The following B3GALT1 variants were observed in gnomAD, a reference collection of about 807,000 sequenced individuals.
B3GALT1 encodes the protein beta-1,3-galactosyltransferase 1, also known as UDP-Gal:betaGlcNAc beta 1,3-galactosyltransferase, polypeptide 1.
B3GALT1 carries 10 observed loss-of-function variants against 23.2 expected under a neutral mutation model. The observed-to-expected ratio is 0.43, with a 90% confidence interval of 0.27 to 0.73. B3GALT1 has a LOEUF of 0.73. B3GALT1 is among the 30% of genes least tolerant of loss of function. B3GALT1 has a pLI of 0.21. For missense variants in B3GALT1, 299 were observed against 405.4 expected (o/e 0.74, Z 2.25); for synonymous variants, 156 against 141.5 (o/e 1.10, Z -0.73).
intron 3 of B3GALT1, among the ~76,000 whole-genome samples, chr2:167,660,868 A>G (rs1686048834): frequency 6.6e-6 from 1 of 152,162 alleles, no homozygotes; most frequent in Non-Finnish European, 1.5e-5. Context: ...AAGTGAAAAT[A>G]TGTGCAGCTG....
chr2:167,874,031 CAGA>C lies in B3GALT1; in HGVS notation c.*4014_*4016del, dbSNP rs986316625. On this transcript the variant is annotated 3_prime_UTR_variant, in exon 5 of 5. Coordinates refer to ENST00000392690, the MANE Select transcript of B3GALT1 (RefSeq NM_020981.4). Reference sequence around the variant, plus strand: ...TTTTTAAACCATTGGGACAAATAAACAGAAGGAGAACAAATGTGTCACTTCTCT... The same window carrying C: ...TTTTTAAACCATTGGGACAAATAAACAGGAGAACAAATGTGTCACTTCTCT... 1 of 152,158 alleles carries C rather than the reference CAGA, an allele frequency of 6.6e-6. No individual in the cohort carries two copies. Among genetic ancestry groups the C allele is most frequent in the Admixed American group, 6.5e-5 (1 of 15,278 alleles). 9.4% of individuals were successfully genotyped at this position (152,158 alleles called of 1,614,324 possible).
intron 3 of B3GALT1, among the ~76,000 whole-genome samples, chr2:167,668,435 C>G (rs191025609): frequency 1.3e-5 from 2 of 152,200 alleles, no homozygotes; most frequent in African/African-American, 2.4e-5. Context: ...GAGGTGGAGC[C>G]TACAGAGGCA....
intron 1 of B3GALT1, among the ~76,000 whole-genome samples, chr2:167,447,441 C>G (rs1699017816): frequency 6.6e-6 from 1 of 152,232 alleles, no homozygotes; most frequent in African/African-American, 2.4e-5. Context: ...TTTTGTTCAG[C>G]TATGCCCTGT....
intron 3 of B3GALT1, among the ~76,000 whole-genome samples, chr2:167,725,320 T>A (rs866440782): frequency 6.6e-5 from 10 of 152,304 alleles, no homozygotes; most frequent in African/African-American, 2.4e-4. Flanking sequence ...CATGGTACTT[T>A]GCAACCAAGC....
rs1477075539 is a variant in B3GALT1 at position 167,754,974 on chromosome 2, C to T, written c.-351-63698C>T. 2.0e-5 allele frequency among the ~76,000 whole-genome samples: 3 copies of T among 152,170 alleles called. No homozygotes were observed. The South Asian group carries it at 6.2e-4, about 31-fold the overall frequency. On this transcript the variant is annotated intron_variant, in intron 3 of 4. Coordinates refer to ENST00000392690, the MANE Select transcript of B3GALT1 (RefSeq NM_020981.4). ...TGCAGAGCCGAGCCATGCATTCAAGCCTTCTCTTTTGATACGTGTTTTCAT... is the reference window on the plus strand; with the variant it reads ...TGCAGAGCCGAGCCATGCATTCAAGTCTTCTCTTTTGATACGTGTTTTCAT...
chr2:167,547,109 G>A (rs551459841), intron 2 of B3GALT1, among the ~76,000 whole-genome samples: 3 of 152,218 alleles, frequency 2.0e-5, no homozygotes, highest in South Asian at 2.1e-4. Context: ...GCACGTCCTC[G>A]GTCTTCTCAA....
At chr2:167,684,167 G>A (rs1686579656) in intron 3 of B3GALT1, among the ~76,000 whole-genome samples, 2 of 152,156 alleles carry the variant, frequency 1.3e-5, no homozygotes, top group African/African-American at 4.8e-5. Flanking sequence ...AGGGAGAAAT[G>A]CTACTGCAGT....
At position 167,870,525 on chromosome 2, in the gene B3GALT1, C is replaced by T. The variant is rs1311634773; in HGVS notation, c.*505C>T. On this transcript the variant is annotated 3_prime_UTR_variant, in exon 5 of 5. Coordinates refer to ENST00000392690, the MANE Select transcript of B3GALT1 (RefSeq NM_020981.4). Reference sequence around the variant, plus strand: ...GTAATGTGTACAGTCTTTGCAGTTCCACCAAGAAATGAACTTGGTACCTGC... The same window carrying T: ...GTAATGTGTACAGTCTTTGCAGTTCTACCAAGAAATGAACTTGGTACCTGC... 3 of 166,968 alleles carry T rather than the reference C, an allele frequency of 1.8e-5. No homozygotes were observed. In the East Asian group the frequency reaches 5.8e-4, roughly 32 times the overall value. The allele number at this position is 166,968 out of a possible 1,614,324, so 10.3% of individuals were successfully genotyped here.
chr2:167,546,772 GTCTCTCA>G (rs1310071730), intron 2 of B3GALT1, among the ~76,000 whole-genome samples: 1 of 152,080 alleles, frequency 6.6e-6, no homozygotes, highest in Non-Finnish European at 1.5e-5. Context: ...CTTGAACTTT[GTCTCTCA>G]CTCATATATT....
intron 1 of B3GALT1, among the ~76,000 whole-genome samples, chr2:167,316,108 A>G (rs192837545): frequency 1.4e-4 from 22 of 152,244 alleles, no homozygotes; most frequent in East Asian, 7.7e-4. Flanking sequence ...GTGAGAACTG[A>G]TAGAGATAGA....
chr2:167,768,970 G>C (rs941290892), intron 3 of B3GALT1, among the ~76,000 whole-genome samples: 6 of 152,104 alleles, frequency 3.9e-5, no homozygotes, highest in South Asian at 2.1e-4. Context: ...GAGGATCCTA[G>C]TCATCTTAGA....
chr2:167,527,823 C>T (rs978070027), intron 2 of B3GALT1, among the ~76,000 whole-genome samples: 9 of 152,056 alleles, frequency 5.9e-5, no homozygotes, highest in Non-Finnish European at 8.8e-5. Flanking sequence ...GCATATGTAA[C>T]GGCAATGTCA....
chr2:167,446,786 G>T (rs1246590343), intron 1 of B3GALT1, among the ~76,000 whole-genome samples: 1 of 152,070 alleles, frequency 6.6e-6, no homozygotes, highest in East Asian at 1.9e-4. Flanking sequence ...ACAGTTTTTA[G>T]CCTCTTTGCG....
At chr2:167,294,182 C>G (rs1696309888) in intron 1 of B3GALT1, among the ~76,000 whole-genome samples, 1 of 152,320 alleles carries the variant, frequency 6.6e-6, no homozygotes, top group Admixed American at 6.5e-5. Context: ...ACTGCCTCCC[C>G]AGGCCGCTTT....
chr2:167,411,602 C>T (rs1282434664), intron 1 of B3GALT1, among the ~76,000 whole-genome samples: 1 of 152,164 alleles, frequency 6.6e-6, no homozygotes, highest in Non-Finnish European at 1.5e-5. Context: ...GGGGAACCCT[C>T]ATACACTGTT....
intron 1 of B3GALT1, among the ~76,000 whole-genome samples, chr2:167,458,346 T>C (rs1022353274): frequency 6.6e-6 from 1 of 152,206 alleles, no homozygotes; most frequent in Non-Finnish European, 1.5e-5. Flanking sequence ...ATTTTGCTTA[T>C]CCATTCATCC....
intron 1 of B3GALT1, among the ~76,000 whole-genome samples, chr2:167,393,500 A>G (rs1698051895): frequency 6.6e-6 from 1 of 152,206 alleles, no homozygotes; most frequent in African/African-American, 2.4e-5. Context: ...AAGACATATT[A>G]GAAAACGAAA....
chr2:167,302,043 T>C (rs757951949), intron 1 of B3GALT1, among the ~76,000 whole-genome samples: 8 of 152,158 alleles, frequency 5.3e-5, no homozygotes, highest in Non-Finnish European at 7.4e-5. Flanking sequence ...AGTAGTGTGA[T>C]GGTAGAAATA....
At chr2:167,719,258 T>G (rs1483980179) in intron 3 of B3GALT1, among the ~76,000 whole-genome samples, 1 of 152,242 alleles carries the variant, frequency 6.6e-6, no homozygotes, top group Non-Finnish European at 1.5e-5. Flanking sequence ...TATGTGTTCA[T>G]GTATGTGCAT....
Sources: allele counts gnomAD v4.1 joint callset (sites outside exome capture counted in the v4.1 genomes callset), GRCh38; gene constraint gnomAD v4.1.1; transcripts MANE v1.5; gene names NCBI Gene and HGNC (gene_info 2026-07-23, HGNC 2026-07-21).